CSMD1: variants seen among roughly 807,000 people sequenced by gnomAD.
CSMD1 encodes CUB and sushi domain-containing protein 1.
A neutral mutation model predicts 417.5 loss-of-function variants in CSMD1; 213 were observed. The observed-to-expected ratio is 0.51, with a 90% confidence interval of 0.46 to 0.57. CSMD1 has a LOEUF of 0.57. Among genes scored for constraint, CSMD1 ranks in the 20% least tolerant of loss-of-function variants. CSMD1 has a pLI of 0.00. For missense variants in CSMD1, 6,923 were observed against 4,529.7 expected, an observed-to-expected ratio of 1.53 and a Z score of -15.17; for synonymous variants, 2,862 against 1,736.8, an observed-to-expected ratio of 1.65 and a Z score of -16.11.
intron 1 of CSMD1, among the ~76,000 whole-genome samples, chr8:4,703,387 A>G (rs148963918): frequency 7.2e-5 from 11 of 152,312 alleles, no homozygotes; most frequent in African/African-American, 2.6e-4. Context: ...AGAAATAGCG[A>G]TGGACTCAAC....
At chr8:4,331,954 T>C (rs1182950557) in intron 3 of CSMD1, among the ~76,000 whole-genome samples, 1 of 152,202 alleles carries the variant, frequency 6.6e-6, no homozygotes, top group East Asian at 1.9e-4. Flanking sequence ...GGCATTGGAA[T>C]TCATTTTCAT....
chr8:4,289,634 G>C (rs891685927), intron 3 of CSMD1, among the ~76,000 whole-genome samples: 1 of 152,146 alleles, frequency 6.6e-6, no homozygotes, highest in Admixed American at 6.6e-5. Flanking sequence ...CTGCTGGACG[G>C]AGTAGAGCAG....
intron 3 of CSMD1, among the ~76,000 whole-genome samples, chr8:4,119,083 A>G (rs7826404): frequency 0.99 from 150,341 of 151,980 alleles, 74,385 homozygotes; most frequent in East Asian, 1. Flanking sequence ...ACACACAGGG[A>G]CCTGTCAGTG....
intron 3 of CSMD1, among the ~76,000 whole-genome samples, chr8:4,214,959 C>A (rs781413993): frequency 6.6e-6 from 1 of 152,050 alleles, no homozygotes; most frequent in Non-Finnish European, 1.5e-5. Flanking sequence ...GCTCACTTCA[C>A]GTGAGATACA....
At position 3,439,322 on chromosome 8, in the gene CSMD1, A is replaced by G. The variant is rs867927103; in HGVS notation, c.1561+29390T>C. ...ATATATATATATATTTTTTTTTTTA[A>G]TATGTATTTTTAATTTTGGACATTT... is the stretch of plus-strand genomic sequence containing the variant. On this transcript the variant is annotated intron_variant, in intron 12 of 69. Coordinates refer to ENST00000635120, the MANE Select transcript of CSMD1 (RefSeq NM_033225.6). 3.8e-4 allele frequency among the ~76,000 whole-genome samples: 18 copies of G among 47,840 alleles called. 1 individual carries two copies. The highest frequency in any genetic ancestry group is 1.3e-3 in the African/African-American group (16 of 12,298). 31.4% of individuals were successfully genotyped at this position (47,840 alleles called of 152,430 possible).
At chr8:4,882,426 A>C (rs970656189) in intron 1 of CSMD1, among the ~76,000 whole-genome samples, 1 of 151,522 alleles carries the variant, frequency 6.6e-6, no homozygotes, top group Admixed American at 6.6e-5. Flanking sequence ...CTTTAGCTTC[A>C]AATTCCGGAG....
intron 10 of CSMD1, among the ~76,000 whole-genome samples, chr8:3,539,680 C>A (rs561558893): frequency 3.3e-5 from 5 of 150,664 alleles, no homozygotes; most frequent in African/African-American, 7.3e-5. Context: ...CACTAAGAAC[C>A]AAATCAAGTG....
chr8:4,928,937 G>C (rs530869357), intron 1 of CSMD1, among the ~76,000 whole-genome samples: 1 of 152,178 alleles, frequency 6.6e-6, no homozygotes, highest in African/African-American at 2.4e-5. Flanking sequence ...CAGGCAGGTT[G>C]GTACATGCCT....
In CSMD1 at chr8:3,972,064, G is replaced by T. The variant is rs1396759030; in HGVS notation, c.818+25839C>A. Among the ~76,000 whole-genome samples, 7 of 151,926 alleles carry T rather than the reference G, an allele frequency of 4.6e-5. No individual in the cohort carries two copies. The East Asian group carries it at 9.7e-4, about 21-fold the overall frequency. Reference sequence around the variant, plus strand: ...TTGTAAATTTTTCATAGAGACAGGGGCTCTGTATGTTGCCCAGGCTGATCC... The same window carrying T: ...TTGTAAATTTTTCATAGAGACAGGGTCTCTGTATGTTGCCCAGGCTGATCC... On this transcript the variant is annotated intron_variant, in intron 5 of 69. Coordinates refer to ENST00000635120, the MANE Select transcript of CSMD1 (RefSeq NM_033225.6).
intron 5 of CSMD1, among the ~76,000 whole-genome samples, chr8:3,884,502 G>C (rs141945032): frequency 2.0e-5 from 3 of 152,100 alleles, no homozygotes; most frequent in African/African-American, 7.2e-5. Context: ...TTCACACCTG[G>C]ATTCTCCTCC....
At chr8:4,757,132 G>C (rs1239311206) in intron 1 of CSMD1, among the ~76,000 whole-genome samples, 1 of 152,244 alleles carries the variant, frequency 6.6e-6, no homozygotes, top group Non-Finnish European at 1.5e-5. Context: ...CATTAGTACT[G>C]AGAATAGATG....
chr8:3,524,263 GCACA>G (rs368229772), intron 10 of CSMD1, among the ~76,000 whole-genome samples: 10 of 135,588 alleles, frequency 7.4e-5, no homozygotes, highest in African/African-American at 1.1e-4. Flanking sequence ...ATACACACAA[GCACA>G]CACACACGCA....
chr8:3,255,120 G>T (rs978749024), intron 26 of CSMD1, among the ~76,000 whole-genome samples: 1 of 152,172 alleles, frequency 6.6e-6, no homozygotes, highest in African/African-American at 2.4e-5. Context: ...GTCTCTTGGA[G>T]TTTGCGGAGG....
At chr8:4,133,289 T>A (rs1276124677) in intron 3 of CSMD1, among the ~76,000 whole-genome samples, 1 of 152,188 alleles carries the variant, frequency 6.6e-6, no homozygotes, top group Non-Finnish European at 1.5e-5. Flanking sequence ...CTGATTTGCT[T>A]AAAAGTCTAA....
intron 23 of CSMD1, among the ~76,000 whole-genome samples, chr8:3,319,261 T>C (rs1011939992): frequency 3.9e-5 from 6 of 152,196 alleles, no homozygotes; most frequent in African/African-American, 1.4e-4. Context: ...ATCCCGAGCA[T>C]TTGATTAACT....
At chr8:3,910,838 A>T (rs761195183) in intron 5 of CSMD1, among the ~76,000 whole-genome samples, 4 of 152,232 alleles carry the variant, frequency 2.6e-5, no homozygotes, top group African/African-American at 9.6e-5. Context: ...CCAAATCTCT[A>T]TCTTATTTCT....
chr8:4,393,596 A>G (rs2128924867), intron 3 of CSMD1, among the ~76,000 whole-genome samples: 1 of 152,254 alleles, frequency 6.6e-6, no homozygotes, highest in Admixed American at 6.5e-5. Context: ...TTTCCAATTA[A>G]TGAGTTTGGT....
Position 4,194,393 on chromosome 8 carries a change from A to C in CSMD1, c.416-162294T>G, listed in dbSNP as rs528239373. On this transcript the variant is annotated intron_variant, in intron 3 of 69. Transcript: ENST00000635120. ...ATTGCTCACATTGGCATCAGTCATG[A>C]AACAATGGACACTCCAAATAGCTTG... Among the ~76,000 whole-genome samples the C allele has an allele frequency of 2.0e-5, 3 of 152,306 alleles. No homozygotes were observed. The South Asian group carries it at 6.2e-4, about 32-fold the overall frequency.
chr8:3,793,295 T>C (rs556106569), intron 5 of CSMD1, among the ~76,000 whole-genome samples: 1 of 152,200 alleles, frequency 6.6e-6, no homozygotes, highest in East Asian at 1.9e-4. Context: ...TTTTCCTATT[T>C]TTAGAATTTC....
Sources: allele counts gnomAD v4.1 joint callset (sites outside exome capture counted in the v4.1 genomes callset), GRCh38; gene constraint gnomAD v4.1.1; transcripts MANE v1.5; gene names NCBI Gene and HGNC (gene_info 2026-07-23, HGNC 2026-07-21).